Variants in STK36 observed in about 807,000 individuals in gnomAD.
STK36 encodes serine/threonine kinase 36.
A neutral mutation model predicts 142.2 loss-of-function variants in STK36; 116 were observed. That is an observed-to-expected ratio of 0.82 (90% CI 0.70 to 0.95). STK36 has a LOEUF of 0.95. Ranked by LOEUF, STK36 falls within the 40% of genes least tolerant of loss-of-function variation. STK36 has a pLI of 0.00. For missense variants in STK36, 1,422 were observed against 1,617.2 expected (o/e 0.88, Z 2.07); for synonymous variants, 619 against 641.7 (o/e 0.96, Z 0.53).
chr2:218,689,626 C>T (rs1485038932), intron 12 of STK36, among the ~76,000 whole-genome samples: 1 of 152,154 alleles, frequency 6.6e-6, no homozygotes, highest in African/African-American at 2.4e-5. Flanking sequence ...ATAGAACCTC[C>T]TATACTCCAA....
chr2:218,693,840 G>A lies in STK36; in HGVS notation c.2247+19G>A, dbSNP rs992035401. On this transcript the variant is annotated intron_variant, in intron 18 of 26. Coordinates refer to ENST00000295709, the MANE Select transcript of STK36 (RefSeq NM_015690.5). Reference sequence around the variant, plus strand: ...GGGCAAGGTAAGCCAGCTTCCCCTGGCAGCCCCACTGTCTCAGCCAGAGGT... The same window carrying A: ...GGGCAAGGTAAGCCAGCTTCCCCTGACAGCCCCACTGTCTCAGCCAGAGGT... 2 of 1,614,088 alleles carry A rather than the reference G, an allele frequency of 1.2e-6. No homozygotes were observed. Among genetic ancestry groups the A allele is most frequent in the Non-Finnish European group, 8.5e-7 (1 of 1,179,976 alleles).
rs755287425 is a variant in STK36 at position 218,680,678 on chromosome 2, T to A, written c.1212T>A (p.Thr404=). The A allele has an allele frequency of 6.2e-7, 1 of 1,613,104 alleles. No homozygotes were observed. Among genetic ancestry groups the A allele is most frequent in the Non-Finnish European group, 8.5e-7 (1 of 1,179,702 alleles). The change falls in exon 10 of 27, where the codon ACT becomes ACA. Residue 404 remains threonine, a synonymous_variant. Transcript: ENST00000295709. ...CAGAGGTGCTGGGCCAGCGGAGCAC[T>A]GATGTAGTGGACCTGGAAAATGAGG... is the stretch of plus-strand genomic sequence containing the variant. The part of the protein sequence containing the change: ...ERPEVLGQRS[T]DVVDLENEEP...
At chr2:218,700,768 T>C (rs1353400515) in intron 26 of STK36, among the ~76,000 whole-genome samples, 1 of 151,444 alleles carries the variant, frequency 6.6e-6, no homozygotes, top group African/African-American at 2.4e-5. Flanking sequence ...TCCCAGCACT[T>C]TGGGAGACTG....
In STK36 at chr2:218,687,086, T is replaced by C. The variant is rs570091347; in HGVS notation, c.1381-1611T>C. Among the ~76,000 whole-genome samples, 191 of 152,378 alleles carry C rather than the reference T, an allele frequency of 1.3e-3. 1 individual carries two copies. The South Asian group carries it at 0.018, about 14-fold the overall frequency. The stretch of plus-strand genomic sequence containing the variant: ...CTTTGGTGAAATATCTCAAATCTTC[T>C]GCTCAGTTTTTAATTTGGTTGTTTG... On this transcript the variant is annotated intron_variant, in intron 11 of 26. Coordinates refer to ENST00000295709, the MANE Select transcript of STK36 (RefSeq NM_015690.5).
In STK36 at chr2:218,692,238, G is replaced by A. The variant is rs1189760616; in HGVS notation, c.1860G>A (p.Leu620=). 1 of 1,614,086 alleles carries A rather than the reference G, an allele frequency of 6.2e-7. No homozygotes were observed. The highest frequency in any genetic ancestry group is 8.5e-7 in the Non-Finnish European group (1 of 1,180,054). Residue 620 remains leucine (L), a synonymous_variant, in exon 15 of 27, where the codon TTG becomes TTA. Transcript: ENST00000295709. ...TGCTGACGACACAGCAGGTTGTCTT[G>A]GATGGGCTCCTTCATGGCTTGACAG... The part of the protein sequence containing the change: ...SSLLTTQQVV[L]DGLLHGLTVP...
chr2:218,681,352 C>T (rs931097737), intron 10 of STK36, among the ~76,000 whole-genome samples: 1 of 152,184 alleles, frequency 6.6e-6, no homozygotes. Context: ...ATCACAAACT[C>T]CTGACCTCAG....
In STK36 at chr2:218,702,617, C is replaced by T. The variant is rs1941483050; in HGVS notation, c.*608C>T. On this transcript the variant is annotated 3_prime_UTR_variant, in exon 27 of 27. Coordinates refer to ENST00000295709, the MANE Select transcript of STK36 (RefSeq NM_015690.5). ...GTAAACTCTTTTAATAAAAGTTGTG[C>T]CTCACCATACTTGAAGCTCCCAGGA... 2 of 152,076 alleles carry T rather than the reference C, an allele frequency of 1.3e-5. No individual in the cohort carries two copies. Among genetic ancestry groups the T allele is most frequent in the African/African-American group, 2.4e-5 (1 of 41,396 alleles). 9.4% of individuals were successfully genotyped at this position (152,076 alleles called of 1,614,324 possible).
Position 218,692,167 on chromosome 2 carries a change from A to G in STK36, c.1789A>G (p.Met597Val). 1.2e-6 allele frequency: 2 copies of G among 1,614,154 alleles called. No homozygotes were observed. Among genetic ancestry groups the G allele is most frequent in the Non-Finnish European group, 1.7e-6 (2 of 1,180,032 alleles). ...LMCFTVLCEA[M>V]DGNSRAISKA... ...GTGCTTTACTGTCCTGTGCGAAGCCATGGATGGGAACAGCCGGGCCATCTC... is the reference window on the plus strand; with the variant it reads ...GTGCTTTACTGTCCTGTGCGAAGCCGTGGATGGGAACAGCCGGGCCATCTC... The change falls in exon 15 of 27, where the codon ATG becomes GTG. Residue 597 changes from methionine (M) to valine (V), a missense_variant. Around this residue, in one of 2 missense-constraint regions of STK36, gnomAD observed 962 missense variants for 1,167.5 expected, o/e 0.82. Transcript: ENST00000295709.
In STK36 at chr2:218,689,966, G is replaced by A. The variant is rs1940932122; in HGVS notation, c.1658+10G>A. 1.9e-6 allele frequency: 3 copies of A among 1,573,340 alleles called. No individual in the cohort carries two copies. Among genetic ancestry groups the A allele is most frequent in the Non-Finnish European group, 2.6e-6 (3 of 1,157,374 alleles). On this transcript the variant is annotated intron_variant, in intron 13 of 26. Transcript: ENST00000295709. ...GCCAGACAAGTGACAGGTAGGATAA[G>A]AAGTGCTTTTGCATTGTTGGCAAGT...
In STK36 at chr2:218,680,067, C is replaced by G. The variant is rs528349500; in HGVS notation, c.1123C>G (p.Pro375Ala). ...SWAKSGTGEV[P>A]SAPRENRTTP... is the part of the protein sequence containing the mutation. ...GGCTAAATCAGGGACTGGAGAGGTG[C>G]CCTCTGCACCTCGGTGAGAAGGGTA... Residue 375 changes from proline (P) to alanine (A), a missense_variant, in exon 9 of 27, where the codon CCC (proline) becomes GCC (alanine). By Grantham distance (27) the Pro-to-Ala change is conservative. This residue lies in a region of STK36 where 962 missense variants were observed against 1,167.5 expected (regional missense o/e 0.82). Transcript: ENST00000295709. 6.2e-7 allele frequency: 1 copy of G among 1,614,014 alleles called. No homozygotes were observed. The highest frequency in any genetic ancestry group is 8.5e-7 in the Non-Finnish European group (1 of 1,179,954).
In STK36 at chr2:218,701,739, C is replaced by T; in HGVS notation, c.3805-127C>T. The T allele has an allele frequency of 5.3e-6, 6 of 1,130,646 alleles. No individual in the cohort carries two copies. The South Asian group carries it at 9.6e-5, about 18-fold the overall frequency. 70.0% of individuals were successfully genotyped at this position (1,130,646 alleles called of 1,614,324 possible). A position where few individuals can be genotyped will look rare whatever the true frequency, so the allele number is the denominator to read the frequency against. On this transcript the variant is annotated intron_variant, in intron 26 of 26. Transcript: ENST00000295709. ...CAGTCTATTCCAAGTCCCCAAGAGC[C>T]CATTTCCTTTTTCTTCCTCTTCTCG...
chr2:218,692,687 G>C lies in STK36; in HGVS notation c.2020G>C (p.Asp674His). 6.2e-7 allele frequency: 1 copy of C among 1,613,104 alleles called. No homozygotes were observed. Among genetic ancestry groups the C allele is most frequent in the East Asian group, 2.2e-5 (1 of 44,872 alleles). The change falls in exon 16 of 27, where the codon GAC becomes CAC. Residue 674 changes from aspartate to histidine, a missense_variant. This residue lies in a region of STK36 where 962 missense variants were observed against 1,167.5 expected (regional missense o/e 0.82). Coordinates refer to ENST00000295709, the MANE Select transcript of STK36 (RefSeq NM_015690.5). The part of the protein sequence containing the change: ...AICTAPVGLP[D>H]CWDAKEQVCW... Reference sequence around the variant, plus strand: ...ATGCACTGCTCCTGTGGGACTGCCCGACTGCTGGGATGCCAAGGAGCAGGT... The same window carrying C: ...ATGCACTGCTCCTGTGGGACTGCCCCACTGCTGGGATGCCAAGGAGCAGGT...
chr2:218,682,686 T>C (rs1229651922), intron 10 of STK36, among the ~76,000 whole-genome samples: 2 of 152,094 alleles, frequency 1.3e-5, no homozygotes, highest in South Asian at 2.1e-4. Context: ...CTCCGACTCC[T>C]GAGCTCAAGC....
In STK36 at chr2:218,689,802, T is replaced by C. The variant is rs1288181685; in HGVS notation, c.1561-57T>C. Reference sequence around the variant, plus strand: ...TATACACCCTTTCTACTGTTTTTTCTATTCTTTGTTTCCATCCTTCACATT... The same window carrying C: ...TATACACCCTTTCTACTGTTTTTTCCATTCTTTGTTTCCATCCTTCACATT... On this transcript the variant is annotated intron_variant, in intron 12 of 26. Coordinates refer to ENST00000295709, the MANE Select transcript of STK36 (RefSeq NM_015690.5). 2.7e-6 allele frequency: 4 copies of C among 1,508,536 alleles called. No homozygotes were observed. The African/African-American group carries it at 5.5e-5, about 21-fold the overall frequency. 93.4% of individuals were successfully genotyped at this position (1,508,536 alleles called of 1,614,324 possible).
At position 218,680,622 on chromosome 2, in the gene STK36, G is replaced by A; in HGVS notation, c.1156G>A (p.Asp386Asn). ...CGGCAGGGAAAACCGGACCACCCCA[G>A]ATTGTGAACGAGCATTCCCAGAGGA... is the stretch of plus-strand genomic sequence containing the variant. ...SAPRENRTTP[D>N]CERAFPEERP... The change falls in exon 10 of 27, where the codon GAT becomes AAT. Residue 386 changes from aspartate to asparagine, a missense_variant. By Grantham distance (23) the Asp-to-Asn change is conservative. This residue lies in a region of STK36 where 962 missense variants were observed against 1,167.5 expected (regional missense o/e 0.82). Coordinates refer to ENST00000295709, the MANE Select transcript of STK36 (RefSeq NM_015690.5). 6.2e-7 allele frequency: 1 copy of A among 1,613,456 alleles called. No individual in the cohort carries two copies. The highest frequency in any genetic ancestry group is 1.3e-5 in the African/African-American group (1 of 75,050).
In STK36 at chr2:218,680,629, A is replaced by T. The variant is rs1304127866; in HGVS notation, c.1163A>T (p.Glu388Val). Residue 388 changes from glutamate (E) to valine (V), a missense_variant, in exon 10 of 27, where the codon GAA becomes GTA. Around this residue, in one of 2 missense-constraint regions of STK36, gnomAD observed 962 missense variants for 1,167.5 expected, o/e 0.82. Transcript: ENST00000295709. ...PRENRTTPDC[E>V]RAFPEERPEV... ...GAAAACCGGACCACCCCAGATTGTG[A>T]ACGAGCATTCCCAGAGGAGAGGCCA... 5.6e-6 allele frequency: 9 copies of T among 1,613,544 alleles called. No homozygotes were observed. The highest frequency in any genetic ancestry group is 5.0e-5 in the Admixed American group (3 of 59,972).
rs202055753 is a variant in STK36 at position 218,698,975 on chromosome 2, G to T, written c.3431G>T (p.Arg1144Leu). Residue 1144 changes from arginine to leucine, a missense_variant, in exon 26 of 27, where the codon CGT becomes CTT. Physicochemically the swap from Arg to Leu is moderately radical, Grantham distance 102. This residue lies in a region of STK36 where 962 missense variants were observed against 1,167.5 expected (regional missense o/e 0.82). Transcript: ENST00000295709. ...TTGCTCCAACACAGCATGGCCCTGC[G>T]TGGGGCACTGCAGAGCCAGTCTGGA... ...GHLLQHSMAL[R>L]GALQSQSGLL... is the part of the protein sequence containing the mutation. The T allele has an allele frequency of 1.4e-5, 22 of 1,614,122 alleles. No homozygotes were observed. The Admixed American group carries it at 2.8e-4, about 21-fold the overall frequency.
intron 10 of STK36, among the ~76,000 whole-genome samples, chr2:218,681,841 C>T (rs1369144864): frequency 6.6e-6 from 1 of 152,254 alleles, no homozygotes; most frequent in African/African-American, 2.4e-5. Flanking sequence ...GCGCTGCCTC[C>T]TAACACTGGT....
chr2:218,692,652 TGGC>T lies in STK36; in HGVS notation c.1986_1988del (p.Ala664del). On this transcript the variant is annotated inframe_deletion, in exon 16 of 27. Transcript: ENST00000295709. ...ATACCTGGAGCCATTTCCTCTGCCC[TGGC>T]AGCCATATGCACTGCTCCTGTGGGA... The T allele has an allele frequency of 6.2e-7, 1 of 1,613,764 alleles. No homozygotes were observed. The highest frequency in any genetic ancestry group is 8.5e-7 in the Non-Finnish European group (1 of 1,179,994).
Sources: allele counts gnomAD v4.1 joint callset (sites outside exome capture counted in the v4.1 genomes callset), GRCh38; gene constraint gnomAD v4.1.1; regional missense constraint gnomAD v4.1.1; transcripts MANE v1.5; gene names NCBI Gene and HGNC (gene_info 2026-07-23, HGNC 2026-07-21).